The following DPYD variants were observed in gnomAD, a reference collection of about 807,000 sequenced individuals.
DPYD encodes the protein dihydropyrimidine dehydrogenase.
A neutral mutation model predicts 116.2 loss-of-function variants in DPYD; 109 were observed. That is an observed-to-expected ratio of 0.94 (90% CI 0.80 to 1.10). The LOEUF (loss-of-function observed/expected upper bound fraction) is 1.10. Among genes scored for constraint, DPYD ranks in the 50% least tolerant of loss-of-function variants. DPYD has a pLI of 0.00. For missense variants in DPYD, 1,302 were observed against 1,254.5 expected, an observed-to-expected ratio of 1.04 and a Z score of -0.57; for synonymous variants, 440 against 432.0, an observed-to-expected ratio of 1.02 and a Z score of -0.23.
chr1:97,107,358 A>G (rs1489507754), intron 20 of DPYD, among the ~76,000 whole-genome samples: 1 of 152,142 alleles, frequency 6.6e-6, no homozygotes, highest in African/African-American at 2.4e-5. Context: ...ATGTTGGTGG[A>G]CAACCTGGGA....
chr1:97,729,933 A>G (rs1044189318), intron 4 of DPYD, among the ~76,000 whole-genome samples: 3 of 152,184 alleles, frequency 2.0e-5, no homozygotes, highest in Non-Finnish European at 4.4e-5. Flanking sequence ...AAATGAAATA[A>G]AACTTTCATC....
rs200162586 is a variant in DPYD at position 97,296,751 on chromosome 1, T to TA, written c.2299+8507dup. ...GAGGATCCTTAAGATGTTCAAATTTTAAAAAAAACATAAAAATAGGATAAA... is the reference window on the plus strand; with the variant it reads ...GAGGATCCTTAAGATGTTCAAATTTTAAAAAAAAACATAAAAATAGGATAAA... On this transcript the variant is annotated intron_variant, in intron 18 of 22. Transcript: ENST00000370192. Among the ~76,000 whole-genome samples, 73 of 151,816 alleles carry TA rather than the reference T, an allele frequency of 4.8e-4. No individual in the cohort carries two copies. The East Asian group carries it at 8.1e-3, about 17-fold the overall frequency.
chr1:97,834,008 C>CT (rs1456144184), intron 2 of DPYD, among the ~76,000 whole-genome samples: 1 of 152,058 alleles, frequency 6.6e-6, no homozygotes. Flanking sequence ...AATACAGCTC[C>CT]TGAAGCCCAT....
At chr1:97,865,264 T>G (rs1434879611) in intron 2 of DPYD, among the ~76,000 whole-genome samples, 1 of 151,962 alleles carries the variant, frequency 6.6e-6, no homozygotes. Flanking sequence ...GACTGAACCA[T>G]ATGAGATGCA....
chr1:97,599,469 G>T (rs1402127405), intron 8 of DPYD, among the ~76,000 whole-genome samples: 1 of 151,856 alleles, frequency 6.6e-6, no homozygotes, highest in Non-Finnish European at 1.5e-5. Flanking sequence ...GCTATGGTAG[G>T]GCATGTTTAA....
In DPYD at chr1:97,188,807, G is replaced by A. The variant is rs141055843; in HGVS notation, c.2622+4262C>T. Among the ~76,000 whole-genome samples the A allele has an allele frequency of 9.5e-3, 1,439 of 152,240 alleles. 12 individuals are homozygous for A. The highest frequency in any genetic ancestry group is 0.015 in the Non-Finnish European group (1,007 of 68,006). On this transcript the variant is annotated intron_variant, in intron 20 of 22. Coordinates refer to ENST00000370192, the MANE Select transcript of DPYD (RefSeq NM_000110.4). Reference sequence around the variant, plus strand: ...TGGCACACAGTCTGTGTTCTAGGCCGTCAAGAAGCTTATAATCTAGGCATA... The same window carrying A: ...TGGCACACAGTCTGTGTTCTAGGCCATCAAGAAGCTTATAATCTAGGCATA...
chr1:97,615,118 T>C (rs1333297546), intron 8 of DPYD, among the ~76,000 whole-genome samples: 10 of 152,134 alleles, frequency 6.6e-5, no homozygotes, highest in Non-Finnish European at 1.5e-4. Flanking sequence ...TCTCTAACCA[T>C]GAGTAAGACA....
At chr1:97,790,121 C>T (rs1289924807) in intron 3 of DPYD, among the ~76,000 whole-genome samples, 1 of 152,060 alleles carries the variant, frequency 6.6e-6, no homozygotes, top group Non-Finnish European at 1.5e-5. Flanking sequence ...TTTTCATCTA[C>T]CTCCCTCAAG....
intron 16 of DPYD, among the ~76,000 whole-genome samples, chr1:97,345,131 T>C (rs183719065): frequency 1.3e-5 from 2 of 152,110 alleles, no homozygotes; most frequent in Admixed American, 1.3e-4. Context: ...AAATTGTCTA[T>C]CCATTTTTAA....
chr1:97,884,245 T>C (rs545411386), intron 1 of DPYD, among the ~76,000 whole-genome samples: 1 of 152,110 alleles, frequency 6.6e-6, no homozygotes, highest in African/African-American at 2.4e-5. Context: ...CAAATAAATA[T>C]AATCAATAAT....
chr1:97,348,994 A>G (rs1338497236), intron 16 of DPYD, among the ~76,000 whole-genome samples: 1 of 152,184 alleles, frequency 6.6e-6, no homozygotes. Flanking sequence ...AAAAGCAAGT[A>G]ATATAACCTG....
intron 18 of DPYD, among the ~76,000 whole-genome samples, chr1:97,278,733 A>G (rs1208806766): frequency 6.6e-6 from 1 of 152,234 alleles, no homozygotes; most frequent in Non-Finnish European, 1.5e-5. Context: ...TGTAGTAATG[A>G]TGCAAAGGGC....
chr1:97,889,565 A>G (rs1672673927), intron 1 of DPYD, among the ~76,000 whole-genome samples: 2 of 152,056 alleles, frequency 1.3e-5, no homozygotes, highest in African/African-American at 2.4e-5. Context: ...ATCTACCAGG[A>G]AAATATAACA....
At chr1:97,551,621 C>G (rs1651328488) in intron 11 of DPYD, among the ~76,000 whole-genome samples, 1 of 151,930 alleles carries the variant, frequency 6.6e-6, no homozygotes, top group African/African-American at 2.4e-5. Flanking sequence ...TTACATTTAT[C>G]TCATGTTTCA....
chr1:97,881,289 C>A (rs1672206156), intron 2 of DPYD, among the ~76,000 whole-genome samples: 1 of 151,998 alleles, frequency 6.6e-6, no homozygotes, highest in South Asian at 2.1e-4. Context: ...AAGTGAAAAA[C>A]TCAGGGAGAA....
intron 14 of DPYD, among the ~76,000 whole-genome samples, chr1:97,441,176 T>C (rs1473899528): frequency 1.3e-5 from 2 of 152,196 alleles, no homozygotes; most frequent in Non-Finnish European, 2.9e-5. Context: ...TTTCTTAATG[T>C]TTCTTATGCT....
At chr1:97,852,942 GA>G (rs987009603) in intron 2 of DPYD, among the ~76,000 whole-genome samples, 4 of 152,042 alleles carry the variant, frequency 2.6e-5, no homozygotes, top group African/African-American at 4.8e-5. Flanking sequence ...ATTTATTATT[GA>G]AAATCAATTG....
chr1:97,875,720 A>G (rs912700697), intron 2 of DPYD, among the ~76,000 whole-genome samples: 1 of 151,928 alleles, frequency 6.6e-6, no homozygotes, highest in Admixed American at 6.6e-5. Context: ...CATTTTCTTT[A>G]AAGTGTTATT....
At chr1:97,567,076 C>T (rs992101478) in intron 11 of DPYD, among the ~76,000 whole-genome samples, 1 of 152,074 alleles carries the variant, frequency 6.6e-6, no homozygotes, top group African/African-American at 2.4e-5. Context: ...TTGAAAAATT[C>T]TTGAATTTTT....
Sources: allele counts gnomAD v4.1 joint callset (sites outside exome capture counted in the v4.1 genomes callset), GRCh38; gene constraint gnomAD v4.1.1; transcripts MANE v1.5; gene names NCBI Gene and HGNC (gene_info 2026-07-23, HGNC 2026-07-21).